The following NTRK3 variants were observed in gnomAD, a reference collection of about 807,000 sequenced individuals.
NTRK3 encodes neurotrophic receptor tyrosine kinase 3.
NTRK3 carries 24 observed loss-of-function variants against 91.7 expected under a neutral mutation model. That is an observed-to-expected ratio of 0.26 (90% CI 0.19 to 0.37). The LOEUF is 0.37. Ranked by LOEUF, NTRK3 falls within the 10% of genes least tolerant of loss-of-function variation. The pLI is 1.00. For synonymous variants in NTRK3, 483 were observed against 404.0 expected, an observed-to-expected ratio of 1.20 and a Z score of -2.34; for missense variants, 880 against 1,068.9, an observed-to-expected ratio of 0.82 and a Z score of 2.46.
intron 14 of NTRK3, among the ~76,000 whole-genome samples, chr15:88,012,841 T>A (rs559059950): frequency 2.0e-4 from 31 of 152,368 alleles, no homozygotes; most frequent in African/African-American, 7.2e-4. Context: ...TGCAGACTGC[T>A]GAATCCCATG....
At chr15:88,113,053 G>A (rs1354012971) in intron 13 of NTRK3, among the ~76,000 whole-genome samples, 1 of 152,126 alleles carries the variant, frequency 6.6e-6, no homozygotes, top group African/African-American at 2.4e-5. Flanking sequence ...CAGAACTGTG[G>A]CATTACCGCT....
At chr15:87,955,005 T>C (rs2071515129) in intron 14 of NTRK3, among the ~76,000 whole-genome samples, 1 of 152,224 alleles carries the variant, frequency 6.6e-6, no homozygotes, top group Admixed American at 6.5e-5. Context: ...TAACTAGCTA[T>C]GTGACACCAG....
intron 13 of NTRK3, among the ~76,000 whole-genome samples, chr15:88,056,208 T>A (rs866714006): frequency 0.051 from 6,060 of 118,832 alleles, 209 homozygotes; most frequent in Middle Eastern, 0.12. Context: ...ATATATTTTT[T>A]TTTTAATGTA....
chr15:87,892,205 C>T (rs1051175407), intron 17 of NTRK3, among the ~76,000 whole-genome samples: 4 of 152,038 alleles, frequency 2.6e-5, no homozygotes, highest in Non-Finnish European at 5.9e-5. Context: ...ATGGAAGGAA[C>T]TGTATAAAAT....
At chr15:88,006,702 C>T (rs1409584120) in intron 14 of NTRK3, among the ~76,000 whole-genome samples, 1 of 152,242 alleles carries the variant, frequency 6.6e-6, no homozygotes, top group Non-Finnish European at 1.5e-5. Flanking sequence ...GTAGCTTGAA[C>T]ACTGAGGTTT....
At chr15:88,058,303 T>A (rs1192575735) in intron 13 of NTRK3, among the ~76,000 whole-genome samples, 1 of 152,218 alleles carries the variant, frequency 6.6e-6, no homozygotes, top group Non-Finnish European at 1.5e-5. Context: ...TTGGGGAGGT[T>A]ACTTAACGTC....
chr15:88,192,958 G>C lies in NTRK3; in HGVS notation c.249-8659C>G, dbSNP rs539002866. The stretch of plus-strand genomic sequence containing the variant: ...ATAACCATCTGTAATTGTCTTATTA[G>C]ATTATTTGATTATGTGTTTGTCATC... On this transcript the variant is annotated intron_variant, in intron 3 of 18. Coordinates refer to ENST00000394480, the Ensembl canonical transcript of NTRK3. Among the ~76,000 whole-genome samples, 6 of 152,172 alleles carry C rather than the reference G, an allele frequency of 3.9e-5. No individual in the cohort carries two copies. The South Asian group carries it at 1.2e-3, about 32-fold the overall frequency.
chr15:88,108,562 C>G (rs565984693), intron 13 of NTRK3, among the ~76,000 whole-genome samples: 3 of 152,310 alleles, frequency 2.0e-5, no homozygotes, highest in Non-Finnish European at 1.5e-5. Context: ...CTGAAAGGGA[C>G]CTTGGAAGCC....
intron 10 of NTRK3, among the ~76,000 whole-genome samples, chr15:88,132,330 G>A (rs2041436661): frequency 6.6e-6 from 1 of 152,238 alleles, no homozygotes. Context: ...GCACTTGGCA[G>A]GCATAACTTC....
chr15:88,141,009 G>T (rs2042337106), intron 6 of NTRK3, among the ~76,000 whole-genome samples: 1 of 152,186 alleles, frequency 6.6e-6, no homozygotes, highest in African/African-American at 2.4e-5. Flanking sequence ...GAAATCAACG[G>T]CAGGGAGAAC....
chr15:88,139,888 G>C lies in NTRK3; in HGVS notation c.465-2327C>G, dbSNP rs144382936. 6.1e-3 allele frequency among the ~76,000 whole-genome samples: 845 copies of C among 139,400 alleles called. 6 individuals are homozygous for C. Among genetic ancestry groups the C allele is most frequent in the Middle Eastern group, 0.028 (8 of 284 alleles). The allele number at this position is 139,400 out of a possible 152,430, so 91.5% of individuals were successfully genotyped here. On this transcript the variant is annotated intron_variant, in intron 6 of 18. Transcript: ENST00000394480. Reference sequence around the variant, plus strand: ...GAGCAAGCTAGGAGCCCTGACTTCAGGAGCTCATATAGGCAAAGACCATGT... The same window carrying C: ...GAGCAAGCTAGGAGCCCTGACTTCACGAGCTCATATAGGCAAAGACCATGT...
At chr15:88,085,885 G>C (rs573830393) in intron 13 of NTRK3, among the ~76,000 whole-genome samples, 1 of 152,214 alleles carries the variant, frequency 6.6e-6, no homozygotes, top group Admixed American at 6.5e-5. Flanking sequence ...ATGAGGACAT[G>C]GCTAGGGCCT....
chr15:87,977,521 G>A, intron 14 of NTRK3: 1 of 227,150 alleles, frequency 4.4e-6, no homozygotes, highest in Non-Finnish European at 8.8e-6. Context: ...TGGAAATGAG[G>A]TAATGATTTA....
exon 19 of NTRK3, chr15:87,873,108 G>A (rs908042742): frequency 4.3e-6 from 1 of 232,496 alleles, no homozygotes; most frequent in African/African-American, 2.2e-5. Flanking sequence ...GTTGGTGTTG[G>A]TTTCTGCAGT....
intron 10 of NTRK3, among the ~76,000 whole-genome samples, chr15:88,129,578 A>C (rs143837930): frequency 1.3e-5 from 2 of 152,324 alleles, no homozygotes; most frequent in African/African-American, 4.8e-5. Context: ...ACCAACATCC[A>C]ATAAAAGGAG....
chr15:88,159,344 A>C (rs961567278), intron 5 of NTRK3, among the ~76,000 whole-genome samples: 2 of 152,302 alleles, frequency 1.3e-5, no homozygotes, highest in Admixed American at 6.5e-5. Flanking sequence ...AACACAAGCC[A>C]AGTGTGGATT....
At chr15:87,925,470 G>C (rs1029889040) in intron 17 of NTRK3, 4 of 95,680 alleles carry the variant, frequency 4.2e-5, no homozygotes, top group African/African-American at 2.3e-4. Flanking sequence ...CACACACACA[G>C]GCCTGGATTA....
chr15:87,977,862 C>T, intron 14 of NTRK3: 1 of 232,816 alleles, frequency 4.3e-6, no homozygotes, highest in Non-Finnish European at 8.5e-6. Flanking sequence ...AGAAGTAAAA[C>T]CCTTAAGTGG....
chr15:88,255,659 C>T lies in NTRK3; in HGVS notation c.248+247G>A, dbSNP rs2053966123. On this transcript the variant is annotated intron_variant, in intron 3 of 18. Coordinates refer to ENST00000394480, the Ensembl canonical transcript of NTRK3. This position sits in a 1 kb window ranked among gnomAD's most constrained non-coding sequence, Gnocchi z 4.3. ...GTAGCTGGGCCCCGCGTGCCCTCGG[C>T]GGCCGGGGTCCTCTCCGGGGAGAGG... 6.6e-6 allele frequency among the ~76,000 whole-genome samples: 1 copy of T among 152,126 alleles called. No homozygotes were observed. The highest frequency in any genetic ancestry group is 2.4e-5 in the African/African-American group (1 of 41,448).
Sources: allele counts gnomAD v4.1 joint callset (sites outside exome capture counted in the v4.1 genomes callset), GRCh38; gene constraint gnomAD v4.1.1; non-coding constraint Gnocchi (gnomAD v3.1); transcripts MANE v1.5; gene names NCBI Gene and HGNC (gene_info 2026-07-23, HGNC 2026-07-21).